Variants in CFH observed in about 807,000 individuals in gnomAD.
CFH encodes the protein H factor 1 (complement).
In CFH, 53 loss-of-function variants were observed where a neutral mutation model predicts 147.3. That is an observed-to-expected ratio of 0.36 (90% CI 0.29 to 0.45). The LOEUF (loss-of-function observed/expected upper bound fraction) is 0.45. Among genes scored for constraint, CFH ranks in the 20% least tolerant of loss-of-function variants. The pLI is 1.00. For synonymous variants in CFH, 536 were observed against 489.4 expected (o/e 1.10, Z -1.26); for missense variants, 1,380 against 1,498.0 (o/e 0.92, Z 1.30).
chr1:196,734,388 C>A (rs919526944), intron 15 of CFH, among the ~76,000 whole-genome samples: 1 of 152,032 alleles, frequency 6.6e-6, no homozygotes, highest in Non-Finnish European at 1.5e-5. Context: ...CCCTGCCTAG[C>A]TCTTTATTTT....
At chr1:196,692,881 C>CCTACCTACCTT (rs1553275284) in intron 9 of CFH, among the ~76,000 whole-genome samples, 4 of 57,324 alleles carry the variant, frequency 7.0e-5, no homozygotes, top group African/African-American at 3.7e-4. Flanking sequence ...TCTGTCACCT[C>CCTACCTACCTT]CCTCCCTCCC....
chr1:196,690,307 A>C (rs1348029616), intron 9 of CFH, 68 bp downstream of exon 9: 2 of 1,589,824 alleles, frequency 1.3e-6, no homozygotes, highest in African/African-American at 1.3e-5. Context: ...ACATTCTAAG[A>C]CTCATCTATA....
chr1:196,687,974 A>C (rs1179202206), intron 7 of CFH, among the ~76,000 whole-genome samples: 1 of 147,700 alleles, frequency 6.8e-6, no homozygotes, highest in East Asian at 1.9e-4. Flanking sequence ...TAATCCACAT[A>C]ATAAATGTAG....
chr1:196,661,592 C>A (rs1666908246), intron 1 of CFH, among the ~76,000 whole-genome samples: 1 of 152,194 alleles, frequency 6.6e-6, no homozygotes, highest in African/African-American at 2.4e-5. Flanking sequence ...AGGCACACAT[C>A]CCAAATCATG....
chr1:196,739,170 C>T (rs1652710711), intron 17 of CFH, among the ~76,000 whole-genome samples: 1 of 152,192 alleles, frequency 6.6e-6, no homozygotes, highest in South Asian at 2.1e-4. Flanking sequence ...CCATTTTTCC[C>T]TCCTGGGCTT....
chr1:196,652,958 A>G (rs1454420518), intron 1 of CFH, among the ~76,000 whole-genome samples: 1 of 151,786 alleles, frequency 6.6e-6, no homozygotes, highest in Non-Finnish European at 1.5e-5. Context: ...CTAGTTTTTG[A>G]TAGGTAACCA....
intron 1 of CFH, among the ~76,000 whole-genome samples, chr1:196,656,027 C>T (rs575431532): frequency 6.6e-6 from 1 of 152,252 alleles, no homozygotes; most frequent in South Asian, 2.1e-4. Flanking sequence ...TCTTCCAGGC[C>T]GGGCATGGTG....
intron 9 of CFH, among the ~76,000 whole-genome samples, chr1:196,691,790 G>C (rs1439965046): frequency 6.6e-6 from 1 of 151,758 alleles, no homozygotes; most frequent in Non-Finnish European, 1.5e-5. Flanking sequence ...CATGATGAAT[G>C]TTTCTTGTTT....
At chr1:196,692,952 T>C (rs560813018) in intron 9 of CFH, among the ~76,000 whole-genome samples, 3 of 143,266 alleles carry the variant, frequency 2.1e-5, no homozygotes, top group South Asian at 4.8e-4. Context: ...TTGTCCCAAG[T>C]TTGTCTGGCT....
At chr1:196,737,772 A>T (rs56152784) in intron 17 of CFH, 112 bp downstream of exon 17, 1 of 757,376 alleles carries the variant, frequency 1.3e-6, no homozygotes, top group East Asian at 2.9e-5. Flanking sequence ...AAAATAATTT[A>T]TATATTATAC....
At chr1:196,709,138 A>G (rs1668664444) in intron 9 of CFH, among the ~76,000 whole-genome samples, 1 of 152,068 alleles carries the variant, frequency 6.6e-6, no homozygotes, top group Non-Finnish European at 1.5e-5. Context: ...ACTAAAGAAA[A>G]TATTTCAGCA....
intron 6 of CFH, 80 bp downstream of exon 6, chr1:196,679,873 T>A: frequency 7.9e-7 from 1 of 1,265,218 alleles, no homozygotes; most frequent in Non-Finnish European, 1.1e-6. Flanking sequence ...CCACTTATTT[T>A]AATCAAAAGT....
chr1:196,692,394 T>A, intron 9 of CFH: 1 of 837,502 alleles, frequency 1.2e-6, no homozygotes, highest in Non-Finnish European at 1.4e-6. Flanking sequence ...AGGCTAATAA[T>A]ATGCCTTGAT....
intron 7 of CFH, among the ~76,000 whole-genome samples, chr1:196,687,485 T>G (rs1453943048): frequency 8.5e-5 from 13 of 152,066 alleles, no homozygotes; most frequent in Admixed American, 8.5e-4. Flanking sequence ...GAAAGAAATC[T>G]CGGTGGACAA....
At position 196,731,385 on chromosome 1, in the gene CFH, A is replaced by G. The variant is rs1669277713; in HGVS notation, c.2413+2863A>G. 2.0e-5 allele frequency among the ~76,000 whole-genome samples: 3 copies of G among 151,914 alleles called. No individual in the cohort carries two copies. In the South Asian group the frequency reaches 6.2e-4, roughly 31 times the overall value. On this transcript the variant is annotated intron_variant, in intron 15 of 21. Coordinates refer to ENST00000367429, the MANE Select transcript of CFH (RefSeq NM_000186.4). Reference sequence around the variant, plus strand: ...ACTGAATTTTGATTACATATAAAATATCTAAATTTTACTCTGCTCCTCCCA... The same window carrying G: ...ACTGAATTTTGATTACATATAAAATGTCTAAATTTTACTCTGCTCCTCCCA...
At chr1:196,733,174 TG>T (rs1669319549) in intron 15 of CFH, among the ~76,000 whole-genome samples, 1 of 152,060 alleles carries the variant, frequency 6.6e-6, no homozygotes, top group Non-Finnish European at 1.5e-5. Flanking sequence ...TGCCAAACTT[TG>T]GCTTTGGCTG....
At chr1:196,682,519 CTTAG>C (rs200480894) in intron 6 of CFH, among the ~76,000 whole-genome samples, 1,694 of 151,414 alleles carry the variant, frequency 0.011, 17 homozygotes, top group South Asian at 0.036. Flanking sequence ...TTATTGATTT[CTTAG>C]TTAAACTCTT....
At chr1:196,719,504 G>A (rs780815222) in intron 11 of CFH, among the ~76,000 whole-genome samples, 2 of 151,794 alleles carry the variant, frequency 1.3e-5, no homozygotes, top group Non-Finnish European at 2.9e-5. Flanking sequence ...ATTATTTTGT[G>A]ACATTACTTT....
intron 11 of CFH, among the ~76,000 whole-genome samples, chr1:196,721,141 A>G (rs2149106238): frequency 1.4e-5 from 2 of 147,360 alleles, no homozygotes; most frequent in South Asian, 4.3e-4. Flanking sequence ...CCACTTTTTC[A>G]TGGGATTATT....
Sources: allele counts gnomAD v4.1 joint callset (sites outside exome capture counted in the v4.1 genomes callset), GRCh38; gene constraint gnomAD v4.1.1; transcripts MANE v1.5; gene names NCBI Gene and HGNC (gene_info 2026-07-23, HGNC 2026-07-21).